The following UVSSA variants were observed in gnomAD, a reference collection of about 807,000 sequenced individuals.
The protein encoded by UVSSA is UV-stimulated scaffold protein A.
A neutral mutation model predicts 73.9 loss-of-function variants in UVSSA; 72 were observed. The observed-to-expected ratio is 0.97, with a 90% CI of 0.81 to 1.19. The LOEUF (loss-of-function observed/expected upper bound fraction) is 1.19. UVSSA is among the 50% of genes most tolerant of loss of function. The pLI is 0.00. For synonymous variants in UVSSA, 454 were observed against 391.3 expected (o/e 1.16, Z -1.89); for missense variants, 1,150 against 965.0 (o/e 1.19, Z -2.54).
intron 7 of UVSSA, among the ~76,000 whole-genome samples, chr4:1,356,282 T>C (rs923306826): frequency 2.0e-5 from 3 of 151,640 alleles, no homozygotes; most frequent in African/African-American, 7.3e-5. Flanking sequence ...CCTTGGAAGT[T>C]GGGGGGTGGG....
intron 4 of UVSSA, 32 bp from the exon 5 acceptor site, chr4:1,352,998 C>G: frequency 6.3e-7 from 1 of 1,583,372 alleles, no homozygotes; most frequent in South Asian, 1.2e-5. Context: ...CTCCACATAG[C>G]GCAGCAAACA....
chr4:1,378,739 G>A (rs1415162203), intron 10 of UVSSA, among the ~76,000 whole-genome samples: 3 of 152,218 alleles, frequency 2.0e-5, no homozygotes, highest in East Asian at 1.9e-4. Context: ...CTTCTCCCAC[G>A]GGGCCTTGGG....
chr4:1,355,882 G>C (rs1026283588), intron 7 of UVSSA, among the ~76,000 whole-genome samples: 1 of 152,166 alleles, frequency 6.6e-6, no homozygotes, highest in Non-Finnish European at 1.5e-5. Flanking sequence ...AGCCGTTCGA[G>C]GGTGGGGGTG....
chr4:1,375,186 G>A, intron 8 of UVSSA, 178 bp from the exon 9 acceptor site: 1 of 1,006,456 alleles, frequency 9.9e-7, no homozygotes, highest in Non-Finnish European at 1.5e-6. Flanking sequence ...AGCGTGGCCT[G>A]AGCTGCTGCT....
In UVSSA at chr4:1,349,749, G is replaced by A. The variant is rs771993581; in HGVS notation, c.324G>A (p.Arg108=). The A allele has an allele frequency of 1.3e-5, 21 of 1,611,386 alleles. No homozygotes were observed. Among genetic ancestry groups the A allele is most frequent in the Non-Finnish European group, 1.6e-5 (19 of 1,178,454 alleles). The change falls in exon 3 of 14, where the codon AGG becomes AGA. Residue 108 remains arginine, a synonymous_variant. Transcript: ENST00000389851. ...CGCCCCCCAGGGAGGCGGCACAGAG[G>A]CTGAGGCAGGCGACCACCCGGGCCG... The part of the protein sequence containing the change: ...PLPPPREAAQ[R]LRQATTRAVE...
In UVSSA at chr4:1,349,625, A is replaced by G. The variant is rs1336337765; in HGVS notation, c.200A>G (p.Glu67Gly). 3.1e-6 allele frequency: 5 copies of G among 1,613,922 alleles called. No individual in the cohort carries two copies. The highest frequency in any genetic ancestry group is 4.2e-6 in the Non-Finnish European group (5 of 1,180,004). ...CTCTCAGCCTTCCAGATTGTGGAGG[A>G]ACTCTTCGTCAGGTCTCACCAGTTC... ...IRLSAFQIVE[E>G]LFVRSHQFRM... Residue 67 changes from glutamate (E) to glycine (G), a missense_variant, in exon 3 of 14, where the codon GAA becomes GGA. Glu to Gly is a moderately conservative substitution (Grantham distance 98). Transcript: ENST00000389851.
At position 1,383,830 on chromosome 4, in the gene UVSSA, C is replaced by A; in HGVS notation, c.1926C>A (p.Ser642=). The A allele has an allele frequency of 6.2e-7, 1 of 1,613,458 alleles. No homozygotes were observed. The highest frequency in any genetic ancestry group is 1.3e-5 in the African/African-American group (1 of 75,030). ...CCACAGGGCAGGATCTCGGCTCATC[C>A]AGGTACAGCGGGAAAGGCAGGGGGA... is the stretch of plus-strand genomic sequence containing the variant. The part of the protein sequence containing the change: ...EAATGQDLGS[S]RYSGKGRGKK... The change falls in exon 13 of 14, where the codon TCC becomes TCA. Residue 642 remains serine, a synonymous_variant. Transcript: ENST00000389851.
chr4:1,370,366 C>T (rs989860661), intron 8 of UVSSA, among the ~76,000 whole-genome samples: 7 of 152,348 alleles, frequency 4.6e-5, no homozygotes, highest in African/African-American at 7.2e-5. Flanking sequence ...ACCCGGGACA[C>T]GGCATTGAGT....
exon 14 of UVSSA, chr4:1,394,233 C>A: frequency 1.6e-6 from 1 of 613,434 alleles, no homozygotes; most frequent in Non-Finnish European, 2.7e-6. Context: ...AGCTTCTCAG[C>A]GGCCACTGTG....
intron 13 of UVSSA, 60 bp downstream of exon 13, chr4:1,384,000 G>T: frequency 6.6e-7 from 1 of 1,523,704 alleles, no homozygotes. Context: ...GGGTGTTCGA[G>T]GGGGGCCATC....
intron 7 of UVSSA, chr4:1,358,511 G>A (rs1350562959): frequency 6.6e-6 from 1 of 152,276 alleles, no homozygotes; most frequent in Non-Finnish European, 1.5e-5. Flanking sequence ...CCGGCAGCTG[G>A]AGTGCAAGGA....
exon 14 of UVSSA, chr4:1,393,808 TC>T (rs894675393): frequency 6.3e-6 from 1 of 157,948 alleles, no homozygotes; most frequent in African/African-American, 2.4e-5. Context: ...ACTCTGGAAA[TC>T]AGATACCCTC....
chr4:1,350,223 C>T (rs1274659038), intron 3 of UVSSA, among the ~76,000 whole-genome samples: 2 of 152,202 alleles, frequency 1.3e-5, no homozygotes, highest in Admixed American at 6.5e-5. Flanking sequence ...CTGTCCCAAC[C>T]TTGCACTTTA....
intron 7 of UVSSA, among the ~76,000 whole-genome samples, chr4:1,355,726 G>C (rs1245099690): frequency 6.6e-6 from 1 of 152,180 alleles, no homozygotes; most frequent in Non-Finnish European, 1.5e-5. Context: ...GCTTGGGAGG[G>C]TCATGGGGGC....
upstream of UVSSA, among the ~76,000 whole-genome samples, chr4:1,343,471 TAAC>T (rs142527297): frequency 0.019 from 2,876 of 152,280 alleles, 86 homozygotes; most frequent in African/African-American, 0.064. Context: ...TTATAAATCA[TAAC>T]AATATTGAGT....
intron 12 of UVSSA, among the ~76,000 whole-genome samples, chr4:1,381,725 T>C (rs114796728): frequency 2.7e-4 from 41 of 151,194 alleles, no homozygotes; most frequent in African/African-American, 8.0e-4. Context: ...TCTCTCTCTG[T>C]CACCCAGGCT....
At chr4:1,348,315 G>A (rs549301814) in intron 2 of UVSSA, 126 bp downstream of exon 2, 1 of 740,372 alleles carries the variant, frequency 1.4e-6, no homozygotes, top group Non-Finnish European at 2.3e-6. Flanking sequence ...ACATTTTCTC[G>A]GGGCCCTGCA....
intron 8 of UVSSA, among the ~76,000 whole-genome samples, chr4:1,374,428 C>T (rs1022186761): frequency 3.9e-5 from 6 of 152,262 alleles, no homozygotes; most frequent in Admixed American, 2.0e-4. Context: ...GAGAGCCAAG[C>T]GCAGGCTGTG....
intron 8 of UVSSA, chr4:1,375,121 G>C (rs1048117176): frequency 6.8e-6 from 4 of 586,186 alleles, no homozygotes; most frequent in Non-Finnish European, 1.2e-5. Flanking sequence ...TGTGTGAACA[G>C]CGTGGCCACA....
Sources: gnomAD v4.1 joint callset for allele counts (sites outside exome capture counted in the v4.1 genomes callset) on GRCh38, gnomAD v4.1.1 for gene constraint, MANE v1.5 for transcripts, NCBI Gene and HGNC (gene_info 2026-07-23, HGNC 2026-07-21) for gene names.